The following NRG3 variants were observed in gnomAD, a reference collection of about 807,000 sequenced individuals.
NRG3 encodes the protein pro-neuregulin-3, membrane-bound isoform.
Under a neutral mutation model 66.9 loss-of-function variants are expected in NRG3, and 31 were observed. That is an observed-to-expected ratio of 0.46 (90% CI 0.35 to 0.63). The LOEUF (loss-of-function observed/expected upper bound fraction) is 0.63, where lower values mean the gene tolerates loss of function less well. Ranked by LOEUF, NRG3 falls within the 20% of genes least tolerant of loss-of-function variation. The pLI is 0.00. For missense variants in NRG3, 910 were observed against 878.9 expected (o/e 1.04, Z -0.45); for synonymous variants, 393 against 359.4 (o/e 1.09, Z -1.06).
intron 1 of NRG3, among the ~76,000 whole-genome samples, chr10:82,354,781 G>T (rs1342910049): frequency 6.6e-6 from 1 of 152,170 alleles, no homozygotes; most frequent in Non-Finnish European, 1.5e-5. Flanking sequence ...GACCTGCTCT[G>T]CTCAGTGGAA....
At chr10:82,460,877 C>G (rs149673645) in intron 2 of NRG3, among the ~76,000 whole-genome samples, 1 of 152,148 alleles carries the variant, frequency 6.6e-6, no homozygotes, top group Non-Finnish European at 1.5e-5. Context: ...CTGTTCAGGA[C>G]GTATGCATTA....
rs117840480 is a variant in NRG3 at position 82,598,770 on chromosome 10, C to T, written c.954-139807C>T. On this transcript the variant is annotated intron_variant, in intron 2 of 8. Transcript: ENST00000372141. The stretch of plus-strand genomic sequence containing the variant: ...TCCAGTTGAAAATGATGAGAAGAGG[C>T]CGGGCACTGTTGCTCACTCCTGTAA... Among the ~76,000 whole-genome samples the T allele has an allele frequency of 6.8e-3, 1,036 of 152,218 alleles. 39 individuals carry two copies. The highest frequency in any genetic ancestry group is 0.058 in the Admixed American group (892 of 15,288).
At chr10:82,039,542 G>T (rs534172316) in intron 1 of NRG3, among the ~76,000 whole-genome samples, 1 of 152,040 alleles carries the variant, frequency 6.6e-6, no homozygotes, top group East Asian at 1.9e-4. Flanking sequence ...TTAACAGAAT[G>T]CAGTCATTAA....
At chr10:82,684,949 T>A (rs1279099822) in intron 2 of NRG3, among the ~76,000 whole-genome samples, 1 of 152,206 alleles carries the variant, frequency 6.6e-6, no homozygotes, top group Non-Finnish European at 1.5e-5. Context: ...GACTTTAGGA[T>A]ATCTGGAGTA....
chr10:82,156,634 A>G (rs2071208585), intron 1 of NRG3, among the ~76,000 whole-genome samples: 1 of 151,708 alleles, frequency 6.6e-6, no homozygotes, highest in African/African-American at 2.4e-5. Context: ...GAATTTCCAG[A>G]ATTGGAAAAT....
Position 82,403,692 on chromosome 10 carries a change from T to G in NRG3, c.953+44824T>G, listed in dbSNP as rs552604569. ...GGGATATTTCTAGAATTGAAAACAC[T>G]TAAGAGGGTGCAGAATTCTTTGTCG... On this transcript the variant is annotated intron_variant, in intron 2 of 8. Coordinates refer to ENST00000372141, the MANE Select transcript of NRG3 (RefSeq NM_001010848.4). Among the ~76,000 whole-genome samples the G allele has an allele frequency of 5.3e-5, 8 of 152,264 alleles. No homozygotes were observed. The East Asian group carries it at 1.5e-3, about 29-fold the overall frequency.
At chr10:82,186,990 G>T (rs2073846860) in intron 1 of NRG3, among the ~76,000 whole-genome samples, 1 of 152,108 alleles carries the variant, frequency 6.6e-6, no homozygotes, top group South Asian at 2.1e-4. Flanking sequence ...TATCTTACCT[G>T]ATCTTACTTT....
intron 3 of NRG3, among the ~76,000 whole-genome samples, chr10:82,782,297 C>T (rs2060148510): frequency 1.3e-5 from 2 of 152,116 alleles, no homozygotes; most frequent in South Asian, 2.1e-4. Flanking sequence ...GTAAGCTCAG[C>T]CCCTTCCCTT....
At chr10:82,301,510 G>A (rs1589647219) in intron 1 of NRG3, among the ~76,000 whole-genome samples, 2 of 152,002 alleles carry the variant, frequency 1.3e-5, no homozygotes, top group South Asian at 2.1e-4. Context: ...ACAATATAGG[G>A]TAGATGAATT....
intron 4 of NRG3, among the ~76,000 whole-genome samples, chr10:82,896,126 A>G (rs1591862772): frequency 6.6e-6 from 1 of 152,196 alleles, no homozygotes; most frequent in East Asian, 1.9e-4. Context: ...GGGGGTTTGC[A>G]AGTACAGTTT....
chr10:82,759,832 T>C (rs989409748), intron 3 of NRG3, among the ~76,000 whole-genome samples: 4 of 152,084 alleles, frequency 2.6e-5, no homozygotes, highest in Non-Finnish European at 5.9e-5. Context: ...TCCATTATAA[T>C]AATAATCATA....
At chr10:82,153,441 G>GTT (rs1056392723) in intron 1 of NRG3, among the ~76,000 whole-genome samples, 4 of 150,152 alleles carry the variant, frequency 2.7e-5, no homozygotes, top group Admixed American at 6.6e-5. Context: ...GTGTGTGTGT[G>GTT]TTTTCTTTAT....
At chr10:81,951,180 G>A (rs532071850) in intron 1 of NRG3, among the ~76,000 whole-genome samples, 10 of 152,156 alleles carry the variant, frequency 6.6e-5, no homozygotes, top group East Asian at 5.8e-4. Context: ...TCGTACCACC[G>A]TTCAAATTGG....
At chr10:82,088,044 A>T (rs970907545) in intron 1 of NRG3, among the ~76,000 whole-genome samples, 3 of 152,140 alleles carry the variant, frequency 2.0e-5, no homozygotes, top group African/African-American at 7.2e-5. Flanking sequence ...CTGGGATGAA[A>T]CAGAGTAAAG....
Position 82,124,904 on chromosome 10 carries a change from A to G in NRG3, c.824-233835A>G, listed in dbSNP as rs17099447. Among the ~76,000 whole-genome samples the G allele has an allele frequency of 1.4e-3, 214 of 152,048 alleles. 4 individuals carry two copies. In the East Asian group the frequency reaches 0.035, roughly 25 times the overall value. Reference sequence around the variant, plus strand: ...TAATGGCCCGATTGTCAGCTTCTCAATAGACCAATCATCATCCCCATTTGA... The same window carrying G: ...TAATGGCCCGATTGTCAGCTTCTCAGTAGACCAATCATCATCCCCATTTGA... On this transcript the variant is annotated intron_variant, in intron 1 of 8. Coordinates refer to ENST00000372141, the MANE Select transcript of NRG3 (RefSeq NM_001010848.4).
chr10:82,407,370 C>G (rs1590017950), intron 2 of NRG3, among the ~76,000 whole-genome samples: 1 of 152,074 alleles, frequency 6.6e-6, no homozygotes, highest in African/African-American at 2.4e-5. Context: ...GTAACCTACT[C>G]TAAATGGAAG....
chr10:82,654,434 C>G (rs2051684137), intron 2 of NRG3, among the ~76,000 whole-genome samples: 1 of 152,154 alleles, frequency 6.6e-6, no homozygotes, highest in Non-Finnish European at 1.5e-5. Flanking sequence ...AGCAGTTATT[C>G]TATCCCTACA....
intron 1 of NRG3, among the ~76,000 whole-genome samples, chr10:82,305,639 T>G (rs906236679): frequency 3.3e-5 from 5 of 152,092 alleles, no homozygotes; most frequent in African/African-American, 1.2e-4. Context: ...TATTTTATCT[T>G]TTTGTTTTGA....
intron 3 of NRG3, among the ~76,000 whole-genome samples, chr10:82,804,559 A>G (rs747251594): frequency 1.3e-5 from 2 of 152,236 alleles, no homozygotes; most frequent in Non-Finnish European, 2.9e-5. Context: ...CAAAATCATT[A>G]TCATTCTTAT....
Sources: allele counts gnomAD v4.1 joint callset (sites outside exome capture counted in the v4.1 genomes callset), GRCh38; gene constraint gnomAD v4.1.1; transcripts MANE v1.5; gene names NCBI Gene and HGNC (gene_info 2026-07-23, HGNC 2026-07-21).